CACNB2: variants seen among roughly 807,000 people sequenced by gnomAD.
CACNB2 encodes the protein voltage-dependent L-type calcium channel subunit beta-2.
In CACNB2, 42 loss-of-function variants were observed where a neutral mutation model predicts 73.3. That is an observed-to-expected ratio of 0.57 (90% confidence interval 0.45 to 0.74). The LOEUF (loss-of-function observed/expected upper bound fraction) is 0.74. Ranked by LOEUF, CACNB2 falls within the 30% of genes least tolerant of loss-of-function variation. The pLI is 0.00. For missense variants in CACNB2, 940 were observed against 853.0 expected (o/e 1.10, Z -1.27); for synonymous variants, 348 against 310.3 (o/e 1.12, Z -1.28).
At chr10:18,286,434 C>A (rs1012327696) in intron 2 of CACNB2, among the ~76,000 whole-genome samples, 4 of 137,742 alleles carry the variant, frequency 2.9e-5, no homozygotes, top group Non-Finnish European at 6.1e-5. Flanking sequence ...AGGAAAATGG[C>A]GTGAACCCTG....
intron 3 of CACNB2, among the ~76,000 whole-genome samples, chr10:18,448,347 A>G (rs371809700): frequency 2.0e-5 from 3 of 152,024 alleles, no homozygotes; most frequent in Non-Finnish European, 4.4e-5. Context: ...GTGGGTGCCT[A>G]TAATATTATC....
chr10:18,527,079 G>A (rs80116806), intron 9 of CACNB2, among the ~76,000 whole-genome samples: 2 of 152,244 alleles, frequency 1.3e-5, no homozygotes, highest in Non-Finnish European at 2.9e-5. Context: ...TAAGTGCAAC[G>A]TAAGGCAGGT....
Position 18,539,249 on chromosome 10 carries a change from G to A in CACNB2, c.1508G>A (p.Arg503Lys). The A allele has an allele frequency of 6.2e-7, 1 of 1,613,980 alleles. No homozygotes were observed. Among genetic ancestry groups the A allele is most frequent in the Non-Finnish European group, 8.5e-7 (1 of 1,179,984 alleles). ...TGCCAGGGTTCTCAAGGTGATCAGA[G>A]GACTGATCGCTCCGCTCCTATCCGT... ...SNSQGSQGDQ[R>K]TDRSAPIRSA... is the part of the protein sequence containing the mutation. The change falls in exon 14 of 14, where the codon AGG becomes AAG. Residue 503 changes from arginine to lysine, a missense_variant. Coordinates refer to ENST00000324631, the MANE Select transcript of CACNB2 (RefSeq NM_201596.3).
At chr10:18,392,263 G>A (rs2043513251) in intron 2 of CACNB2, among the ~76,000 whole-genome samples, 1 of 152,164 alleles carries the variant, frequency 6.6e-6, no homozygotes, top group African/African-American at 2.4e-5. Flanking sequence ...AGAAGGAACA[G>A]CCAATGGGAA....
intron 3 of CACNB2, among the ~76,000 whole-genome samples, chr10:18,489,509 C>G (rs1168056883): frequency 1.4e-5 from 2 of 147,232 alleles, no homozygotes; most frequent in Non-Finnish European, 1.5e-5. Flanking sequence ...CCCCTGAATT[C>G]AAGCCATCCT....
intron 2 of CACNB2, among the ~76,000 whole-genome samples, chr10:18,376,651 G>A (rs1014229601): frequency 6.6e-6 from 1 of 152,180 alleles, no homozygotes; most frequent in Non-Finnish European, 1.5e-5. Context: ...GAATGTTTCT[G>A]TGTGAGGGAG....
chr10:18,400,112 A>G (rs1589243820), intron 2 of CACNB2, among the ~76,000 whole-genome samples: 1 of 152,262 alleles, frequency 6.6e-6, no homozygotes, highest in African/African-American at 2.4e-5. Context: ...TCAACGCTTT[A>G]TAAAGCGGTG....
rs187375771 is a variant in CACNB2, at chr10:18,480,664, A to C, written c.334-17691A>C. On this transcript the variant is annotated intron_variant, in intron 3 of 13. Coordinates refer to ENST00000324631, the MANE Select transcript of CACNB2 (RefSeq NM_201596.3). ...TGTAGCTAGTTCAGTTGCAGAAAAC[A>C]GAATCCAGAACTTTTATGTTTCCAG... is the stretch of plus-strand genomic sequence containing the variant. Among the ~76,000 whole-genome samples the C allele has an allele frequency of 3.2e-4, 49 of 152,352 alleles. 2 individuals carry two copies. The East Asian group carries it at 9.1e-3, about 28-fold the overall frequency.
chr10:18,156,552 G>T (rs550171309), intron 2 of CACNB2, among the ~76,000 whole-genome samples: 1 of 152,296 alleles, frequency 6.6e-6, no homozygotes, highest in South Asian at 2.1e-4. Flanking sequence ...AGGGGTCATT[G>T]GCTGTGCGTG....
chr10:18,374,843 A>C (rs1460201025), intron 2 of CACNB2, among the ~76,000 whole-genome samples: 1 of 152,114 alleles, frequency 6.6e-6, no homozygotes, highest in African/African-American at 2.4e-5. Context: ...TTTTCAGATA[A>C]AGAAACTCAG....
chr10:18,476,741 G>T (rs2048459930), intron 3 of CACNB2, among the ~76,000 whole-genome samples: 1 of 152,182 alleles, frequency 6.6e-6, no homozygotes, highest in South Asian at 2.1e-4. Context: ...GGCAGAGCAT[G>T]GTAGCTTATG....
At chr10:18,188,863 C>T (rs957087327) in intron 2 of CACNB2, among the ~76,000 whole-genome samples, 27 of 152,068 alleles carry the variant, frequency 1.8e-4, no homozygotes, top group Admixed American at 1.4e-3. Context: ...TAGTTCTATG[C>T]GTGTGTGTGG....
At position 18,518,795 on chromosome 10, in the gene CACNB2, TC is replaced by T. The variant is rs1472480457; in HGVS notation, c.886-114del. Reference sequence around the variant, plus strand: ...AAATGCGGCAACCTCATATTGCCACTCTTTCCAGATGCAAAGCTCAGGTTTT... The same window carrying T: ...AAATGCGGCAACCTCATATTGCCACTTTTCCAGATGCAAAGCTCAGGTTTT... On this transcript the variant is annotated intron_variant, in intron 8 of 13. Transcript: ENST00000324631. 3 of 945,206 alleles carry T rather than the reference TC, an allele frequency of 3.2e-6. No homozygotes were observed. The African/African-American group carries it at 4.9e-5, about 15-fold the overall frequency. 58.6% of individuals were successfully genotyped at this position (945,206 alleles called of 1,614,324 possible). A position where few individuals can be genotyped will look rare whatever the true frequency, so the allele number is the denominator to read the frequency against.
chr10:18,329,784 TTA>T lies in CACNB2; in HGVS notation c.214-72138_214-72137del, dbSNP rs146114464. On this transcript the variant is annotated intron_variant, in intron 2 of 13. Transcript: ENST00000324631. Reference sequence around the variant, plus strand: ...AATTCATTGTTTCCAATAAAATATTTTATGTTTATTTTATGCTATTATATTTA... The same window carrying T: ...AATTCATTGTTTCCAATAAAATATTTTGTTTATTTTATGCTATTATATTTA... Among the ~76,000 whole-genome samples, 880 of 152,256 alleles carry T rather than the reference TTA, an allele frequency of 5.8e-3. 10 individuals carry two copies. Among genetic ancestry groups the T allele is most frequent in the African/African-American group, 0.02 (851 of 41,540 alleles).
chr10:18,472,221 CTTTT>C (rs200348808), intron 3 of CACNB2, among the ~76,000 whole-genome samples: 243 of 119,156 alleles, frequency 2.0e-3, no homozygotes, highest in African/African-American at 4.5e-3. Flanking sequence ...CACTTTTCTT[CTTTT>C]TTTTTTTTTT....
intron 3 of CACNB2, among the ~76,000 whole-genome samples, chr10:18,457,201 C>G (rs1434257260): frequency 2.6e-5 from 4 of 152,168 alleles, no homozygotes; most frequent in African/African-American, 9.7e-5. Context: ...CGTGATCCTC[C>G]TGCCTCAGCT....
At chr10:18,266,998 ATGTG>A (rs1184987293) in intron 2 of CACNB2, among the ~76,000 whole-genome samples, 2 of 151,810 alleles carry the variant, frequency 1.3e-5, no homozygotes, top group Non-Finnish European at 2.9e-5. Flanking sequence ...TATATATACT[ATGTG>A]TGTGTGTGTA....
chr10:18,322,570 A>G (rs1253553597), intron 2 of CACNB2, among the ~76,000 whole-genome samples: 1 of 152,224 alleles, frequency 6.6e-6, no homozygotes, highest in African/African-American at 2.4e-5. Flanking sequence ...GCAATGTGAT[A>G]TCTCTAATTA....
intron 2 of CACNB2, among the ~76,000 whole-genome samples, chr10:18,241,019 G>A (rs1382310343): frequency 6.6e-6 from 1 of 152,192 alleles, no homozygotes; most frequent in Non-Finnish European, 1.5e-5. Context: ...TTATCCCTCT[G>A]CTCAGCGAGA....
Sources: gnomAD v4.1 joint callset for allele counts (sites outside exome capture counted in the v4.1 genomes callset) on GRCh38, gnomAD v4.1.1 for gene constraint, MANE v1.5 for transcripts, NCBI Gene and HGNC (gene_info 2026-07-23, HGNC 2026-07-21) for gene names.